The following SMU1 variants were observed in gnomAD, a reference collection of about 807,000 sequenced individuals.
The protein encoded by SMU1 is WD40 repeat-containing protein SMU1.
A neutral mutation model predicts 62.0 loss-of-function variants in SMU1; 2 were observed. The observed-to-expected ratio is 0.03, with a 90% CI of 0.01 to 0.10. The LOEUF (loss-of-function observed/expected upper bound fraction) is 0.10, where lower values mean the gene tolerates loss of function less well. Among genes scored for constraint, SMU1 ranks in the 10% least tolerant of loss-of-function variants. The pLI is 1.00. For missense variants in SMU1, 227 were observed against 622.1 expected (o/e 0.36, Z 6.76); for synonymous variants, 188 against 212.4 (o/e 0.89, Z 1.00).
chr9:33,073,590 T>C lies in SMU1; in HGVS notation c.237+6A>G, dbSNP rs1839511166. ...CCATGGGGATCAGCATCACCACCAC[T>C]CTTACCTGTTCATAGAGGTCAATGA... On this transcript the variant is annotated splice_donor_region_variant and intron_variant, in intron 2 of 11. Transcript: ENST00000397149. The C allele has an allele frequency of 3.1e-6, 5 of 1,609,274 alleles. No individual in the cohort carries two copies. The highest frequency in any genetic ancestry group is 4.2e-6 in the Non-Finnish European group (5 of 1,177,660).
intron 10 of SMU1, among the ~76,000 whole-genome samples, chr9:33,052,458 AT>A (rs1179809600): frequency 1.3e-5 from 2 of 152,210 alleles, no homozygotes; most frequent in Non-Finnish European, 2.9e-5. Flanking sequence ...TCAGCTATGG[AT>A]TCTCAACTAC....
At chr9:33,050,698 C>T (rs1029985453) in intron 10 of SMU1, among the ~76,000 whole-genome samples, 2 of 151,510 alleles carry the variant, frequency 1.3e-5, no homozygotes, top group Non-Finnish European at 2.9e-5. Flanking sequence ...CAGTGGGAGG[C>T]GCCTGTAATC....
chr9:33,050,073 C>T (rs1348678799), intron 10 of SMU1, among the ~76,000 whole-genome samples: 1 of 152,148 alleles, frequency 6.6e-6, no homozygotes, highest in Non-Finnish European at 1.5e-5. Context: ...ACAACAACCC[C>T]ATTGAAAAAT....
chr9:33,052,480 G>A (rs1839261327), intron 10 of SMU1, among the ~76,000 whole-genome samples: 1 of 152,154 alleles, frequency 6.6e-6, no homozygotes, highest in South Asian at 2.1e-4. Flanking sequence ...TACTCCATCA[G>A]TTACAGAACT....
rs562821529 is a variant in SMU1, at chr9:33,072,946, T to G, written c.237+650A>C. 2.6e-5 allele frequency among the ~76,000 whole-genome samples: 4 copies of G among 152,270 alleles called. No individual in the cohort carries two copies. The South Asian group carries it at 8.3e-4, about 32-fold the overall frequency. On this transcript the variant is annotated intron_variant, in intron 2 of 11. Coordinates refer to ENST00000397149, the MANE Select transcript of SMU1 (RefSeq NM_018225.3). Reference sequence around the variant, plus strand: ...TACTCTGCTGTTTTATAATCACAAATTTGTCTGATCTTTGTCCTAGGTTCT... The same window carrying G: ...TACTCTGCTGTTTTATAATCACAAAGTTGTCTGATCTTTGTCCTAGGTTCT...
In SMU1 at chr9:33,046,556, G is replaced by T. The variant is rs958842329; in HGVS notation, c.*737C>A. The T allele has an allele frequency of 1.5e-5, 2 of 129,926 alleles. No homozygotes were observed. The highest frequency in any genetic ancestry group is 3.2e-5 in the Non-Finnish European group (2 of 61,876). 8.0% of individuals were successfully genotyped at this position (129,926 alleles called of 1,614,324 possible). A position where few individuals can be genotyped will look rare whatever the true frequency, so the allele number is the denominator to read the frequency against. ...TGTACATTTTAGAACAAAGTCTCCA[G>T]AAAGGTATAAAGTTTATTAACATCT... On this transcript the variant is annotated 3_prime_UTR_variant, in exon 12 of 12. Transcript: ENST00000397149.
Position 33,043,700 on chromosome 9 carries a change from CAATA to C in SMU1, c.*3589_*3592del, listed in dbSNP as rs1587703946. 6.6e-6 allele frequency: 1 copy of C among 152,090 alleles called. No individual in the cohort carries two copies. The highest frequency in any genetic ancestry group is 1.5e-5 in the Non-Finnish European group (1 of 68,026). 9.4% of individuals were successfully genotyped at this position (152,090 alleles called of 1,614,324 possible). A position where few individuals can be genotyped will look rare whatever the true frequency, so the allele number is the denominator to read the frequency against. The stretch of plus-strand genomic sequence containing the variant: ...CTAAAGATTGAGGAGGAACTGACAG[CAATA>C]TTGAGAGTGAGGCAAGAGAGAAAAA... On this transcript the variant is annotated 3_prime_UTR_variant, in exon 12 of 12. Transcript: ENST00000397149.
rs138225818 is a variant in SMU1, at chr9:33,071,162, T to A, written c.390+578A>T. ...CTATGTACCCATAAAAAATTTTTTT[T>A]AATCCTTTTTCCTCCTATTTTGACA... On this transcript the variant is annotated intron_variant, in intron 3 of 11. Transcript: ENST00000397149. Among the ~76,000 whole-genome samples the A allele has an allele frequency of 2.0e-3, 302 of 152,242 alleles. 11 individuals are homozygous for A. In the East Asian group the frequency reaches 0.055, roughly 28 times the overall value.
intron 4 of SMU1, among the ~76,000 whole-genome samples, chr9:33,064,620 T>A (rs906490265): frequency 6.6e-6 from 1 of 152,232 alleles, no homozygotes; most frequent in African/African-American, 2.4e-5. Flanking sequence ...TTGCAACAGA[T>A]GTTCTTGTGT....
At chr9:33,070,073 C>T (rs144364567) in intron 3 of SMU1, among the ~76,000 whole-genome samples, 3,530 of 151,746 alleles carry the variant, frequency 0.023, 57 homozygotes, top group Non-Finnish European at 0.038. Flanking sequence ...TGCAGTGAGC[C>T]GAGATCACGC....
intron 9 of SMU1, among the ~76,000 whole-genome samples, chr9:33,055,350 T>C (rs1839292717): frequency 6.6e-6 from 1 of 152,182 alleles, no homozygotes; most frequent in South Asian, 2.1e-4. Flanking sequence ...CTGTCTGAAT[T>C]TTAGATACTT....
chr9:33,057,450 T>C, intron 7 of SMU1, 148 bp downstream of exon 7: 1 of 978,084 alleles, frequency 1.0e-6, no homozygotes. Context: ...GTTGCTAAGA[T>C]TACATAAGAA....
At chr9:33,053,882 C>T (rs897978747) in intron 9 of SMU1, among the ~76,000 whole-genome samples, 2 of 152,202 alleles carry the variant, frequency 1.3e-5, no homozygotes, top group Non-Finnish European at 2.9e-5. Flanking sequence ...ATGATCTTTT[C>T]TCATACATTT....
In SMU1 at chr9:33,043,403, C is replaced by G. The variant is rs1263312591; in HGVS notation, c.*3890G>C. On this transcript the variant is annotated 3_prime_UTR_variant, in exon 12 of 12. Transcript: ENST00000397149. ...GTATATGCGGAAACTACCCTGTAGT[C>G]TACCTGCTCTCAAATTTGAGCACGC... 2.0e-5 allele frequency: 3 copies of G among 152,230 alleles called. No homozygotes were observed. Among genetic ancestry groups the G allele is most frequent in the Admixed American group, 6.5e-5 (1 of 15,272 alleles). 9.4% of individuals were successfully genotyped at this position (152,230 alleles called of 1,614,324 possible).
chr9:33,050,897 G>C (rs1414311730), intron 10 of SMU1, among the ~76,000 whole-genome samples: 1 of 71,978 alleles, frequency 1.4e-5, no homozygotes, highest in Non-Finnish European at 3.5e-5. Flanking sequence ...CGAGGCGGGC[G>C]GATCACGAGG....
In SMU1 at chr9:33,076,439, G is replaced by C. The variant is rs1839546839; in HGVS notation, c.26+144C>G. 7 of 1,000,930 alleles carry C rather than the reference G, an allele frequency of 7.0e-6. No individual in the cohort carries two copies. In the Admixed American group the frequency reaches 1.3e-4, roughly 19 times the overall value. 62.0% of individuals were successfully genotyped at this position (1,000,930 alleles called of 1,614,324 possible). A position where few individuals can be genotyped will look rare whatever the true frequency, so the allele number is the denominator to read the frequency against. On this transcript the variant is annotated intron_variant, in intron 1 of 11. Coordinates refer to ENST00000397149, the MANE Select transcript of SMU1 (RefSeq NM_018225.3). ...CCTGTGGGCCCACCTCCGAGGTAGC[G>C]AGATCCAAGATGCTTCTTTGGGGGC...
At position 33,073,588 on chromosome 9, in the gene SMU1, A is replaced by G. The variant is rs756722109; in HGVS notation, c.237+8T>C. 8.1e-6 allele frequency: 13 copies of G among 1,607,478 alleles called. No individual in the cohort carries two copies. In the South Asian group the frequency reaches 1.1e-4, roughly 14 times the overall value. ...ACCCATGGGGATCAGCATCACCACCACTCTTACCTGTTCATAGAGGTCAAT... is the reference window on the plus strand; with the variant it reads ...ACCCATGGGGATCAGCATCACCACCGCTCTTACCTGTTCATAGAGGTCAAT... On this transcript the variant is annotated splice_region_variant and intron_variant, in intron 2 of 11. Coordinates refer to ENST00000397149, the MANE Select transcript of SMU1 (RefSeq NM_018225.3).
chr9:33,050,397 T>G (rs1040087036), intron 10 of SMU1, among the ~76,000 whole-genome samples: 1 of 151,958 alleles, frequency 6.6e-6, no homozygotes, highest in Non-Finnish European at 1.5e-5. Context: ...CCCAAAGAAA[T>G]AGAAAACATA....
chr9:33,051,640 AT>A (rs1839250508), intron 10 of SMU1, among the ~76,000 whole-genome samples: 1 of 152,174 alleles, frequency 6.6e-6, no homozygotes, highest in South Asian at 2.1e-4. Context: ...TTAAAAGTCT[AT>A]TTTTTAAAAA....
Sources: allele counts gnomAD v4.1 joint callset (sites outside exome capture counted in the v4.1 genomes callset), GRCh38; gene constraint gnomAD v4.1.1; transcripts MANE v1.5; gene names NCBI Gene and HGNC (gene_info 2026-07-23, HGNC 2026-07-21).